The following SF3A2 variants were observed in gnomAD, a reference collection of about 807,000 sequenced individuals.
The protein encoded by SF3A2 is splicing factor 3a subunit 2.
SF3A2 carries 5 observed loss-of-function variants against 31.1 expected under a neutral mutation model. The observed-to-expected ratio is 0.16, with a 90% CI of 0.08 to 0.34. SF3A2 has a LOEUF of 0.34. SF3A2 is among the 10% of genes least tolerant of loss of function. The pLI is 1.00. For synonymous variants in SF3A2, 365 were observed against 263.7 expected (o/e 1.38, Z -3.72); for missense variants, 577 against 643.9 (o/e 0.90, Z 1.13).
intron 1 of SF3A2, among the ~76,000 whole-genome samples, chr19:2,239,388 A>G (rs1442463125): frequency 6.6e-6 from 1 of 151,770 alleles, no homozygotes; most frequent in African/African-American, 2.4e-5. Context: ...GAGAGAAAAA[A>G]ATCTGTATTT....
Position 2,247,579 on chromosome 19 carries a change from C to T in SF3A2, c.547-15C>T, listed in dbSNP as rs748296550. 1 of 1,612,680 alleles carries T rather than the reference C, an allele frequency of 6.2e-7. No individual in the cohort carries two copies. Among genetic ancestry groups the T allele is most frequent in the Non-Finnish European group, 8.5e-7 (1 of 1,179,556 alleles). On this transcript the variant is annotated splice_polypyrimidine_tract_variant and intron_variant, in intron 7 of 8. Coordinates refer to ENST00000221494, the MANE Select transcript of SF3A2 (RefSeq NM_007165.5). ...CACAGGGACCAGGAGCCCTCTCTGT[C>T]CCCCGCCCTCCCAGGTGCCGAGCAG...
intron 7 of SF3A2, 111 bp from the exon 8 acceptor site, chr19:2,247,483 G>A: frequency 9.3e-7 from 1 of 1,073,388 alleles, no homozygotes; most frequent in Non-Finnish European, 1.4e-6. Flanking sequence ...CCTTCTCCTG[G>A]GCTCCCAGGG....
chr19:2,237,626 G>A (rs1451888706), intron 1 of SF3A2: 2 of 152,154 alleles, frequency 1.3e-5, no homozygotes, highest in Admixed American at 6.6e-5. Context: ...GGGTCGAATC[G>A]GGATCGCGGC....
chr19:2,247,354 C>T, intron 7 of SF3A2: 3 of 582,788 alleles, frequency 5.1e-6, no homozygotes, highest in South Asian at 4.4e-5. Context: ...GGGCGGCCAT[C>T]AGGAAACAAA....
At chr19:2,247,115 T>A (rs2024942679) in intron 7 of SF3A2, 93 bp downstream of exon 7, 2 of 1,507,670 alleles carry the variant, frequency 1.3e-6, no homozygotes, top group Non-Finnish European at 1.8e-6. Flanking sequence ...CCATCGGGCT[T>A]GGGGTCCCCT....
rs1383037181 is a variant in SF3A2 at position 2,247,872 on chromosome 19, C to G, written c.721C>G (p.Leu241Val). ...GCCTCCACCCCCGCTGATGAACGGT[C>G]TGCCCCCTCGGCCACCGCTGCCTGA... ...KRPPPPLMNG[L>V]PPRPPLPESL... Residue 241 changes from leucine to valine, a missense_variant, in exon 9 of 9, where the codon CTG (leucine) becomes GTG (valine). Physicochemically the swap from Leu to Val is conservative, Grantham distance 32 (BLOSUM62 1). Around this residue, in one of 6 missense-constraint regions of SF3A2, gnomAD observed 462 missense variants for 339.1 expected, o/e 1.36. Transcript: ENST00000221494. 1 of 1,563,238 alleles carries G rather than the reference C, an allele frequency of 6.4e-7. No homozygotes were observed. Among genetic ancestry groups the G allele is most frequent in the Non-Finnish European group, 8.7e-7 (1 of 1,144,328 alleles).
intron 1 of SF3A2, among the ~76,000 whole-genome samples, chr19:2,242,581 CT>C (rs1568388569): frequency 1.3e-5 from 2 of 152,194 alleles, no homozygotes; most frequent in Non-Finnish European, 1.5e-5. Flanking sequence ...ATGTGGACAT[CT>C]TTTGGGGGCA....
rs2024922976 is a variant in SF3A2, at chr19:2,245,384, G to C, written c.246-62G>C. 7.9e-7 allele frequency: 1 copy of C among 1,269,108 alleles called. No homozygotes were observed. The highest frequency in any genetic ancestry group is 1.5e-5 in the African/African-American group (1 of 67,352). The allele number at this position is 1,269,108 out of a possible 1,614,324, so 78.6% of individuals were successfully genotyped here. ...AAGGTCAGGGGGCTCCTGGCACCTG[G>C]GCCCATGGCTTTGGTGCCTGTGTGT... On this transcript the variant is annotated intron_variant, in intron 4 of 8. Transcript: ENST00000221494. This position sits in a 1 kb window ranked among gnomAD's most constrained non-coding sequence, Gnocchi z 4.2.
chr19:2,248,056 A>G lies in SF3A2; in HGVS notation c.905A>G (p.His302Arg). Reference protein sequence around the residue: ...PVVHPPASGVHPPAPGVHPPA... With the variant: ...PVVHPPASGVRPPAPGVHPPA... The stretch of plus-strand genomic sequence containing the variant: ...GTGCATCCCCCTGCATCTGGGGTCC[A>G]TCCCCCAGCTCCTGGCGTCCACCCC... Residue 302 changes from histidine (H) to arginine (R), a missense_variant, in exon 9 of 9, where the codon CAT becomes CGT. Transcript: ENST00000221494. 1.1e-6 allele frequency: 1 copy of G among 898,818 alleles called. No individual in the cohort carries two copies. Among genetic ancestry groups the G allele is most frequent in the Non-Finnish European group, 1.7e-6 (1 of 585,800 alleles). 55.7% of individuals were successfully genotyped at this position (898,818 alleles called of 1,614,324 possible). A position where few individuals can be genotyped will look rare whatever the true frequency, so the allele number is the denominator to read the frequency against.
In SF3A2 at chr19:2,248,308, T is replaced by C; in HGVS notation, c.1157T>C (p.Val386Ala). Residue 386 changes from valine to alanine, a missense_variant, in exon 9 of 9, where the codon GTT becomes GCT. Val to Ala is a moderately conservative substitution (Grantham distance 64, BLOSUM62 0). Transcript: ENST00000221494. ...APGVHPAAPA[V>A]HPQAPGVHPP... ...GGGGTGCACCCAGCAGCCCCCGCCG[T>C]TCACCCTCAGGCCCCAGGGGTGCAC... The C allele has an allele frequency of 8.2e-7, 1 of 1,219,634 alleles. No individual in the cohort carries two copies. The highest frequency in any genetic ancestry group is 1.0e-6 in the Non-Finnish European group (1 of 975,584). 75.6% of individuals were successfully genotyped at this position (1,219,634 alleles called of 1,614,324 possible).
At chr19:2,243,615 A>T in intron 2 of SF3A2, 71 bp downstream of exon 2, 1 of 1,443,164 alleles carries the variant, frequency 6.9e-7, no homozygotes, top group Non-Finnish European at 9.1e-7. Flanking sequence ...AGAGGGTGCC[A>T]GAGGCTCTTC....
At position 2,245,993 on chromosome 19, in the gene SF3A2, A is replaced by G. The variant is rs1390631187; in HGVS notation, c.355+438A>G. Among the ~76,000 whole-genome samples the G allele has an allele frequency of 6.6e-6, 1 of 152,210 alleles. No individual in the cohort carries two copies. Among genetic ancestry groups the G allele is most frequent in the Non-Finnish European group, 1.5e-5 (1 of 68,030 alleles). ...ATGGCTAGAGGTGACCCCGGTTCAG[A>G]AAGCTGGGGAAGTGACCAGGGTGGA... On this transcript the variant is annotated intron_variant, in intron 5 of 8. Transcript: ENST00000221494. This position sits in a 1 kb window ranked among gnomAD's most constrained non-coding sequence, Gnocchi z 4.2.
In SF3A2 at chr19:2,245,927, G is replaced by A. The variant is rs1461786033; in HGVS notation, c.355+372G>A. 1.6e-5 allele frequency: 4 copies of A among 252,072 alleles called. No homozygotes were observed. The highest frequency in any genetic ancestry group is 1.1e-4 in the South Asian group (2 of 18,040). The allele number at this position is 252,072 out of a possible 1,614,324, so 15.6% of individuals were successfully genotyped here. A position where few individuals can be genotyped will look rare whatever the true frequency, so the allele number is the denominator to read the frequency against. On this transcript the variant is annotated intron_variant, in intron 5 of 8. Transcript: ENST00000221494. The surrounding 1 kb of genome is among the most constrained non-coding windows in gnomAD (Gnocchi z 4.2). ...CCTTTGAAGGAGGACAGGGAGAAGC[G>A]GCTGTTAGAGGCAGCTCCTCCCGGA...
chr19:2,238,321 T>C (rs1334462014), intron 1 of SF3A2, among the ~76,000 whole-genome samples: 2 of 152,192 alleles, frequency 1.3e-5, no homozygotes, highest in African/African-American at 4.8e-5. Flanking sequence ...TGCACCCGGC[T>C]AATTTTTGTA....
Position 2,247,991 on chromosome 19 carries a change from A to G in SF3A2, c.840A>G (p.Leu280=). 1 of 849,006 alleles carries G rather than the reference A, an allele frequency of 1.2e-6. No homozygotes were observed. Among genetic ancestry groups the G allele is most frequent in the Non-Finnish European group, 1.8e-6 (1 of 559,134 alleles). The allele number at this position is 849,006 out of a possible 1,614,324, so 52.6% of individuals were successfully genotyped here. Residue 280 remains leucine (L), a synonymous_variant, in exon 9 of 9, where the codon CTA becomes CTG. Transcript: ENST00000221494. ...APSGPPGPPQ[L]PPPAPGVHPP... ...CAGGGCCCCCGGGACCACCCCAGCTACCCCCGCCAGCTCCAGGGGTCCACC... is the reference window on the plus strand; with the variant it reads ...CAGGGCCCCCGGGACCACCCCAGCTGCCCCCGCCAGCTCCAGGGGTCCACC...
Position 2,243,626 on chromosome 19 carries a change from T to C in SF3A2, c.126+82T>C, listed in dbSNP as rs2024908675. 3.5e-6 allele frequency: 5 copies of C among 1,410,180 alleles called. No individual in the cohort carries two copies. In the East Asian group the frequency reaches 1.4e-4, roughly 40 times the overall value. 87.4% of individuals were successfully genotyped at this position (1,410,180 alleles called of 1,614,324 possible). ...CTGGAGAGGGTGCCAGAGGCTCTTC[T>C]TGGGCCTCCGCCCAGGCTGGGCGAT... On this transcript the variant is annotated intron_variant, in intron 2 of 8. Coordinates refer to ENST00000221494, the MANE Select transcript of SF3A2 (RefSeq NM_007165.5).
At position 2,242,222 on chromosome 19, in the gene SF3A2, T is replaced by G. The variant is rs545355316; in HGVS notation, c.-37-1160T>G. Among the ~76,000 whole-genome samples, 5 of 147,094 alleles carry G rather than the reference T, an allele frequency of 3.4e-5. No homozygotes were observed. In the East Asian group the frequency reaches 1.0e-3, roughly 30 times the overall value. Reference sequence around the variant, plus strand: ...GTCCCTCAGCGTGCCCCTGCACACCTGCAGACACTGTGACACATCACTGCA... The same window carrying G: ...GTCCCTCAGCGTGCCCCTGCACACCGGCAGACACTGTGACACATCACTGCA... On this transcript the variant is annotated intron_variant, in intron 1 of 8. Coordinates refer to ENST00000221494, the MANE Select transcript of SF3A2 (RefSeq NM_007165.5).
chr19:2,237,040 C>G (rs1475477091), intron 1 of SF3A2, 139 bp downstream of exon 1: 3 of 151,430 alleles, frequency 2.0e-5, no homozygotes, highest in African/African-American at 7.3e-5. Context: ...TCCCTCCTCC[C>G]GTGAGCGTCC....
At chr19:2,242,445 A>G (rs1433785151) in intron 1 of SF3A2, among the ~76,000 whole-genome samples, 2 of 151,586 alleles carry the variant, frequency 1.3e-5, no homozygotes, top group African/African-American at 4.9e-5. Context: ...AGCCTCTCTG[A>G]CTCTCAGCCT....
Sources: allele counts gnomAD v4.1 joint callset (sites outside exome capture counted in the v4.1 genomes callset), GRCh38; gene constraint gnomAD v4.1.1; regional missense constraint gnomAD v4.1.1; non-coding constraint Gnocchi (gnomAD v3.1); transcripts MANE v1.5; gene names NCBI Gene and HGNC (gene_info 2026-07-23, HGNC 2026-07-21).